GRID2: variants seen among roughly 807,000 people sequenced by gnomAD.
GRID2 encodes the protein glutamate receptor ionotropic, delta-2.
Under a neutral mutation model 114.8 loss-of-function variants are expected in GRID2, and 33 were observed. That is an observed-to-expected ratio of 0.29 (90% confidence interval 0.22 to 0.38). GRID2 has a LOEUF of 0.38. Among genes scored for constraint, GRID2 ranks in the 10% least tolerant of loss-of-function variants. The pLI is 1.00. For synonymous variants in GRID2, 505 were observed against 449.9 expected (o/e 1.12, Z -1.55); for missense variants, 1,184 against 1,257.7 (o/e 0.94, Z 0.89).
intron 13 of GRID2, among the ~76,000 whole-genome samples, chr4:93,552,240 T>C (rs913151561): frequency 6.6e-6 from 1 of 152,108 alleles, no homozygotes; most frequent in African/African-American, 2.4e-5. Context: ...TAGTATTCCA[T>C]GGTGTATATG....
chr4:92,568,338 T>C (rs575890487), intron 1 of GRID2, among the ~76,000 whole-genome samples: 32 of 152,146 alleles, frequency 2.1e-4, no homozygotes, highest in African/African-American at 7.5e-4. Context: ...TGACAGTTTC[T>C]ACAGGTGTGT....
intron 14 of GRID2, among the ~76,000 whole-genome samples, chr4:93,717,452 A>G (rs552799687): frequency 2.1e-4 from 32 of 152,130 alleles, no homozygotes; most frequent in African/African-American, 7.5e-4. Context: ...TTGAAACTAA[A>G]CACTTCAGAG....
intron 2 of GRID2, among the ~76,000 whole-genome samples, chr4:92,797,306 A>G (rs558275347): frequency 6.6e-4 from 101 of 152,146 alleles, no homozygotes; most frequent in Non-Finnish European, 6.6e-4. Flanking sequence ...CTGTTCATGT[A>G]GAAACAATGA....
intron 14 of GRID2, among the ~76,000 whole-genome samples, chr4:93,677,357 C>G (rs369404290): frequency 6.6e-5 from 10 of 152,164 alleles, no homozygotes; most frequent in Non-Finnish European, 1.5e-4. Flanking sequence ...GCAGGGCACA[C>G]ACAAACAAAA....
intron 14 of GRID2, among the ~76,000 whole-genome samples, chr4:93,652,214 T>C (rs1722640142): frequency 6.6e-6 from 1 of 151,972 alleles, no homozygotes; most frequent in African/African-American, 2.4e-5. Flanking sequence ...AATACAGACA[T>C]GCACAGAGGG....
intron 2 of GRID2, among the ~76,000 whole-genome samples, chr4:92,938,709 C>A (rs1463626962): frequency 2.1e-5 from 3 of 142,354 alleles, no homozygotes; most frequent in African/African-American, 7.4e-5. Context: ...TGCTATCCCT[C>A]CCCCCAGCCC....
chr4:93,117,753 A>G (rs1009110658), intron 4 of GRID2, among the ~76,000 whole-genome samples: 3 of 152,186 alleles, frequency 2.0e-5, no homozygotes, highest in Non-Finnish European at 4.4e-5. Flanking sequence ...GAAAGCTGTG[A>G]TGTGCATCAC....
chr4:93,421,827 T>C (rs1417048227), intron 9 of GRID2, among the ~76,000 whole-genome samples: 2 of 148,470 alleles, frequency 1.3e-5, no homozygotes, highest in Non-Finnish European at 3.0e-5. Flanking sequence ...ATTTTGTGAA[T>C]CTCTGAGGAA....
chr4:93,775,323 A>G (rs112101347), downstream of GRID2, among the ~76,000 whole-genome samples: 1,244 of 152,214 alleles, frequency 8.2e-3, 18 homozygotes, highest in Non-Finnish European at 0.011. Flanking sequence ...TAAAATGTAA[A>G]CTGGGTCTTC....
chr4:92,744,257 A>G (rs955180834), intron 2 of GRID2, among the ~76,000 whole-genome samples: 4 of 152,218 alleles, frequency 2.6e-5, no homozygotes, highest in Non-Finnish European at 5.9e-5. Context: ...TGGGAGGCCA[A>G]GGTGGGCAGA....
chr4:93,082,658 C>T (rs891760039), intron 2 of GRID2, among the ~76,000 whole-genome samples: 1 of 152,134 alleles, frequency 6.6e-6, no homozygotes, highest in Admixed American at 6.6e-5. Context: ...TCTTTTAGGC[C>T]TGACATTATA....
intron 2 of GRID2, among the ~76,000 whole-genome samples, chr4:93,031,608 T>A (rs778716434): frequency 6.6e-6 from 1 of 152,066 alleles, no homozygotes; most frequent in Non-Finnish European, 1.5e-5. Context: ...TCTCATGAGA[T>A]CTGATGGTTT....
Position 92,885,902 on chromosome 4 carries a change from C to T in GRID2, c.245-199093C>T, listed in dbSNP as rs528192500. ...GGTATAGTAACTCTCAAGTAGGAAC[C>T]AACTGTGTTAAAATGTTAACTTCCA... On this transcript the variant is annotated intron_variant, in intron 2 of 15. Coordinates refer to ENST00000282020, the MANE Select transcript of GRID2 (RefSeq NM_001510.4). 1.4e-4 allele frequency among the ~76,000 whole-genome samples: 22 copies of T among 152,250 alleles called. No homozygotes were observed. The East Asian group carries it at 2.7e-3, about 19-fold the overall frequency.
At chr4:93,280,641 A>C (rs944669637) in intron 8 of GRID2, among the ~76,000 whole-genome samples, 11 of 151,928 alleles carry the variant, frequency 7.2e-5, no homozygotes, top group African/African-American at 2.7e-4. Flanking sequence ...GGTGATTTCT[A>C]TTTTATGGCT....
chr4:92,884,857 C>A, intron 2 of GRID2: 1 of 403,492 alleles, frequency 2.5e-6, no homozygotes. Context: ...CTAAGTATGT[C>A]CATACAGTGT....
intron 2 of GRID2, among the ~76,000 whole-genome samples, chr4:93,069,275 T>C (rs910036206): frequency 1.3e-5 from 2 of 151,516 alleles, no homozygotes; most frequent in African/African-American, 4.8e-5. Flanking sequence ...GTGTATAATA[T>C]ATATGTGCGT....
At chr4:93,309,198 A>G (rs991154652) in intron 8 of GRID2, among the ~76,000 whole-genome samples, 7 of 152,156 alleles carry the variant, frequency 4.6e-5, no homozygotes, top group African/African-American at 1.7e-4. Flanking sequence ...CACCTCCTAA[A>G]ATAGGACCTG....
chr4:93,369,174 T>C (rs144203311), intron 8 of GRID2, among the ~76,000 whole-genome samples: 22 of 152,260 alleles, frequency 1.4e-4, no homozygotes, highest in African/African-American at 4.8e-4. Context: ...TTTGAGCGTT[T>C]CAGCTTCTGT....
At chr4:93,727,396 TA>T (rs1420866799) in intron 14 of GRID2, among the ~76,000 whole-genome samples, 1 of 152,230 alleles carries the variant, frequency 6.6e-6, no homozygotes, top group Non-Finnish European at 1.5e-5. Flanking sequence ...GCCAGTATTT[TA>T]TTGAGGATTT....
Sources: gnomAD v4.1 joint callset for allele counts (sites outside exome capture counted in the v4.1 genomes callset) on GRCh38, gnomAD v4.1.1 for gene constraint, MANE v1.5 for transcripts, NCBI Gene and HGNC (gene_info 2026-07-23, HGNC 2026-07-21) for gene names.